Variants in ZNF184 observed in about 807,000 individuals in gnomAD.
ZNF184 encodes the protein zinc finger protein 184 (Kruppel-like).
A neutral mutation model predicts 54.4 loss-of-function variants in ZNF184; 16 were observed. The ratio of observed to expected loss-of-function variants is 0.29; its 90% confidence interval spans 0.20 to 0.45. The LOEUF (loss-of-function observed/expected upper bound fraction) is 0.45. Among genes scored for constraint, ZNF184 ranks in the 20% least tolerant of loss-of-function variants. The probability of loss-of-function intolerance (pLI) is 1.00; values close to 1 mark genes in which losing one functional copy is unlikely to be tolerated. For synonymous variants in ZNF184, 254 were observed against 295.3 expected (o/e 0.86, Z 1.43); for missense variants, 681 against 888.2 (o/e 0.77, Z 2.97).
At chr6:27,422,160 G>A in the ZNF184 span, among the ~76,000 whole-genome samples, 9 of 29,048 alleles carry the variant, frequency 3.1e-4, 1 homozygote, top group Non-Finnish European at 6.3e-4. Flanking sequence ...AAGAAAGAAA[G>A]AAAGAAAGAA....
rs957928458 is a variant in ZNF184 at position 27,472,382 on chromosome 6, A to G, written c.-88T>C. On this transcript the variant is annotated 5_prime_UTR_variant, in exon 2 of 6. Coordinates refer to ENST00000683788, the MANE Select transcript of ZNF184 (RefSeq NM_001318891.2). This position sits in a 1 kb window ranked among gnomAD's most constrained non-coding sequence, Gnocchi z 4.8. ...CAGCTGGTATCTCGGTCTAGGACTC[A>G]GATGTCTAACTCCCCTTGCAGGGAA... The G allele has an allele frequency of 2.5e-6, 4 of 1,573,180 alleles. No homozygotes were observed. The African/African-American group carries it at 4.1e-5, about 16-fold the overall frequency.
Position 27,451,414 on chromosome 6 carries a change from C to T in ZNF184, c.2145G>A (p.Gln715=). Reference sequence around the variant, plus strand: ...TCTCTCCTGAATGAATTCTCTGGTGCTGAATGAGATATGTGCTCTGGCTAA... The same window carrying T: ...TCTCTCCTGAATGAATTCTCTGGTGTTGAATGAGATATGTGCTCTGGCTAA... ...KTFSQSTYLI[Q]HQRIHSGEKP... Residue 715 remains glutamine (Q), a synonymous_variant, in exon 6 of 6, where the codon CAG becomes CAA. Coordinates refer to ENST00000683788, the MANE Select transcript of ZNF184 (RefSeq NM_001318891.2). 6.2e-7 allele frequency: 1 copy of T among 1,614,154 alleles called. No homozygotes were observed. Among genetic ancestry groups the T allele is most frequent in the Non-Finnish European group, 8.5e-7 (1 of 1,180,002 alleles).
chr6:27,431,851 A>C, the ZNF184 span, among the ~76,000 whole-genome samples: 2 of 152,156 alleles, frequency 1.3e-5, no homozygotes, highest in Non-Finnish European at 1.5e-5. Context: ...TGGATGCCCC[A>C]CAACCACCCC....
chr6:27,448,473 C>T (rs1451697014), downstream of ZNF184, among the ~76,000 whole-genome samples: 2 of 152,120 alleles, frequency 1.3e-5, no homozygotes, highest in Non-Finnish European at 2.9e-5. Flanking sequence ...AATCTGTGCC[C>T]GACACTCTCC....
chr6:27,464,395 T>G (rs1283753291), intron 3 of ZNF184, among the ~76,000 whole-genome samples: 1 of 152,166 alleles, frequency 6.6e-6, no homozygotes, highest in Non-Finnish European at 1.5e-5. Flanking sequence ...TACACTATTC[T>G]AAGTAAAATG....
intron 3 of ZNF184, among the ~76,000 whole-genome samples, chr6:27,458,211 A>G (rs1339906766): frequency 6.6e-6 from 1 of 150,844 alleles, no homozygotes; most frequent in African/African-American, 2.4e-5. Flanking sequence ...ATGGAGAGAG[A>G]GATCGATAGA....
chr6:27,416,746 C>T, the ZNF184 span, among the ~76,000 whole-genome samples: 65 of 152,258 alleles, frequency 4.3e-4, 1 homozygote, highest in African/African-American at 1.5e-3. Context: ...CTCACTGACC[C>T]CTGCTATAAG....
the ZNF184 span, among the ~76,000 whole-genome samples, chr6:27,412,299 T>C: frequency 6.6e-6 from 1 of 152,132 alleles, no homozygotes; most frequent in Non-Finnish European, 1.5e-5. Context: ...GTGAAGCAAA[T>C]GCTCAGAGCA....
chr6:27,454,675 A>T (rs1428845288), intron 5 of ZNF184, among the ~76,000 whole-genome samples: 24 of 152,166 alleles, frequency 1.6e-4, no homozygotes, highest in Admixed American at 1.6e-3. Flanking sequence ...GGCCAATGTT[A>T]TCTATATTGT....
chr6:27,418,439 T>C, the ZNF184 span, among the ~76,000 whole-genome samples: 3 of 152,204 alleles, frequency 2.0e-5, no homozygotes, highest in African/African-American at 7.2e-5. Flanking sequence ...CACATTCAAC[T>C]TTTCATTTTT....
the ZNF184 span, chr6:27,407,573 C>A: frequency 2.0e-6 from 1 of 489,708 alleles, no homozygotes. Context: ...CTTTTACAGA[C>A]AATAGTGGCT....
At chr6:27,409,902 C>A in the ZNF184 span, among the ~76,000 whole-genome samples, 1 of 152,172 alleles carries the variant, frequency 6.6e-6, no homozygotes, top group South Asian at 2.1e-4. Flanking sequence ...ACAGGAAGTG[C>A]CCCATATATG....
chr6:27,427,509 C>T, the ZNF184 span, among the ~76,000 whole-genome samples: 1 of 152,150 alleles, frequency 6.6e-6, no homozygotes, highest in South Asian at 2.1e-4. Flanking sequence ...TCTTCTGTTT[C>T]TTGAGTGCAG....
chr6:27,466,346 G>T (rs1288871524), intron 3 of ZNF184, among the ~76,000 whole-genome samples: 1 of 152,132 alleles, frequency 6.6e-6, no homozygotes, highest in Non-Finnish European at 1.5e-5. Flanking sequence ...TGAGTAAATT[G>T]TGTTATTTTA....
At chr6:27,437,759 A>G in the ZNF184 span, among the ~76,000 whole-genome samples, 1 of 152,362 alleles carries the variant, frequency 6.6e-6, no homozygotes, top group East Asian at 1.9e-4. Flanking sequence ...CTTAAAAAAT[A>G]TGAAGCAATC....
intron 3 of ZNF184, among the ~76,000 whole-genome samples, chr6:27,466,953 T>G (rs557898657): frequency 6.6e-6 from 1 of 152,354 alleles, no homozygotes; most frequent in African/African-American, 2.4e-5. Flanking sequence ...TATTCAAGGC[T>G]TTCATATTCT....
In ZNF184 at chr6:27,450,951, A is replaced by G. The variant is rs1246355027; in HGVS notation, c.*352T>C. On this transcript the variant is annotated 3_prime_UTR_variant, in exon 6 of 6. Coordinates refer to ENST00000683788, the MANE Select transcript of ZNF184 (RefSeq NM_001318891.2). Reference sequence around the variant, plus strand: ...TGGCAAAACATGCATAAACATACACATTCTAGATGCAACACAGCAAAATGC... The same window carrying G: ...TGGCAAAACATGCATAAACATACACGTTCTAGATGCAACACAGCAAAATGC... The G allele has an allele frequency of 5.6e-6, 1 of 178,358 alleles. No individual in the cohort carries two copies. The allele number at this position is 178,358 out of a possible 1,614,324, so 11.0% of individuals were successfully genotyped here. A position where few individuals can be genotyped will look rare whatever the true frequency, so the allele number is the denominator to read the frequency against.
At chr6:27,433,342 C>T in the ZNF184 span, among the ~76,000 whole-genome samples, 1 of 152,146 alleles carries the variant, frequency 6.6e-6, no homozygotes, top group African/African-American at 2.4e-5. Context: ...ATATTTTTTA[C>T]TGTGGTAAAA....
intron 3 of ZNF184, among the ~76,000 whole-genome samples, chr6:27,467,275 C>G (rs1763162462): frequency 6.6e-6 from 1 of 152,112 alleles, no homozygotes; most frequent in Non-Finnish European, 1.5e-5. Flanking sequence ...GTTTTATTTT[C>G]TAGCAGTCAT....
Sources: gnomAD v4.1 joint callset for allele counts (sites outside exome capture counted in the v4.1 genomes callset) on GRCh38, gnomAD v4.1.1 for gene constraint, Gnocchi (gnomAD v3.1) non-coding constraint, MANE v1.5 for transcripts, NCBI Gene and HGNC (gene_info 2026-07-23, HGNC 2026-07-21) for gene names.